Variants in SETDB1 observed in about 807,000 individuals in gnomAD.
SETDB1 encodes the protein histone-lysine N-methyltransferase SETDB1.
A neutral mutation model predicts 137.4 loss-of-function variants in SETDB1; 31 were observed. That is an observed-to-expected ratio of 0.23 (90% CI 0.17 to 0.30). The LOEUF (loss-of-function observed/expected upper bound fraction) is 0.30. Among genes scored for constraint, SETDB1 ranks in the 10% least tolerant of loss-of-function variants. SETDB1 has a pLI of 1.00. For missense variants in SETDB1, 1,113 were observed against 1,631.5 expected (o/e 0.68, Z 5.47); for synonymous variants, 548 against 579.9 (o/e 0.95, Z 0.79).
rs1275545606 is a variant in SETDB1 at position 150,950,798 on chromosome 1, A to G, written c.1924A>G (p.Ile642Val). ...CGLCLRTMQE[I>V]ERYLFETGCD... ...TCTCTGCCTTCGGACAATGCAGGAG[A>G]TAGAACGCTACCTTTTCGAGACTGG... Residue 642 changes from isoleucine (I) to valine (V), a missense_variant, in exon 13 of 22, where the codon ATA becomes GTA. Coordinates refer to ENST00000692827, the MANE Select transcript of SETDB1 (RefSeq NM_001366418.1). The G allele has an allele frequency of 1.2e-6, 2 of 1,614,216 alleles. No individual in the cohort carries two copies. Among genetic ancestry groups the G allele is most frequent in the South Asian group, 1.1e-5 (1 of 91,086 alleles).
intron 3 of SETDB1, among the ~76,000 whole-genome samples, chr1:150,934,877 A>G (rs1669900113): frequency 6.6e-6 from 1 of 150,726 alleles, no homozygotes; most frequent in South Asian, 2.1e-4. Context: ...GCTGGAGTGC[A>G]GTGGTGAGAT....
At chr1:150,941,221 AACTC>A (rs1222386918) in intron 4 of SETDB1, 104 bp from the exon 5 acceptor site, 1 of 643,074 alleles carries the variant, frequency 1.6e-6, no homozygotes, top group East Asian at 2.8e-5. Flanking sequence ...TTCCAAACAT[AACTC>A]ACTCCATTTT....
At chr1:150,961,971 G>A (rs1670838260) in intron 16 of SETDB1, 159 bp from the exon 17 acceptor site, 2 of 801,250 alleles carry the variant, frequency 2.5e-6, no homozygotes, top group Non-Finnish European at 4.4e-6. Flanking sequence ...GGAGTGTAGT[G>A]AGGATTTCTG....
chr1:150,943,710 G>A (rs1006845361), intron 7 of SETDB1, among the ~76,000 whole-genome samples: 5 of 152,166 alleles, frequency 3.3e-5, no homozygotes, highest in African/African-American at 1.2e-4. Context: ...TTTTTTAAAA[G>A]TAGGGAGGTA....
intron 10 of SETDB1, 47 bp from the exon 11 acceptor site, chr1:150,949,075 C>T (rs1287370167): frequency 3.9e-6 from 6 of 1,549,594 alleles, no homozygotes; most frequent in African/African-American, 2.7e-5. Flanking sequence ...TGAATACAAG[C>T]GTCATAGCTA....
In SETDB1 at chr1:150,944,998, C is replaced by T. The variant is rs1426634145; in HGVS notation, c.1030C>T (p.Pro344Ser). Residue 344 changes from proline to serine, a missense_variant, in exon 9 of 22, where the codon CCC (proline) becomes TCC (serine). Coordinates refer to ENST00000692827, the MANE Select transcript of SETDB1 (RefSeq NM_001366418.1). ...EEYVTAYPNR[P>S]MVLLKSGQLI... ...GTATGTCACTGCCTACCCCAACCGC[C>T]CCATGGTACTGCTCAAGAGTGGCCA... The T allele has an allele frequency of 6.2e-7, 1 of 1,613,998 alleles. No individual in the cohort carries two copies. The highest frequency in any genetic ancestry group is 8.5e-7 in the Non-Finnish European group (1 of 1,180,034).
At position 150,950,463 on chromosome 1, in the gene SETDB1, C is replaced by G. The variant is rs143224912; in HGVS notation, c.1589C>G (p.Pro530Arg). 2 of 1,593,284 alleles carry G rather than the reference C, an allele frequency of 1.3e-6. No individual in the cohort carries two copies. The highest frequency in any genetic ancestry group is 1.7e-6 in the Non-Finnish European group (2 of 1,170,310). The change falls in exon 13 of 22, where the codon CCT becomes CGT. Residue 530 changes from proline (P) to arginine (R), a missense_variant. Pro to Arg is a moderately radical substitution (Grantham distance 103, BLOSUM62 -2). Transcript: ENST00000692827. Reference protein sequence around the residue: ...KPGINQTYRSPLGSTASAPAP... With the variant: ...KPGINQTYRSRLGSTASAPAP... ...CACTTGCATCTCATTTGCAGATCAC[C>G]TTTAGGCTCCACAGCCTCTGCCCCA...
At chr1:150,952,109 C>T (rs1418930545) in intron 14 of SETDB1, among the ~76,000 whole-genome samples, 1 of 151,420 alleles carries the variant, frequency 6.6e-6, no homozygotes, top group East Asian at 1.9e-4. Context: ...GATCATGCCA[C>T]TGCACTTCAG....
At chr1:150,953,289 C>G (rs909135656) in intron 14 of SETDB1, among the ~76,000 whole-genome samples, 2 of 152,178 alleles carry the variant, frequency 1.3e-5, no homozygotes, top group Admixed American at 1.3e-4. Flanking sequence ...CTTTTCGAGG[C>G]TGAGGCAGGC....
In SETDB1 at chr1:150,950,810, C is replaced by T. The variant is rs587670276; in HGVS notation, c.1936C>T (p.Leu646Phe). The change falls in exon 13 of 22, where the codon CTT (leucine) becomes TTT (phenylalanine). Residue 646 changes from leucine (L) to phenylalanine (F), a missense_variant. Transcript: ENST00000692827. ...GACAATGCAGGAGATAGAACGCTAC[C>T]TTTTCGAGACTGGCTGTGACTTCCT... is the stretch of plus-strand genomic sequence containing the variant. Reference protein sequence around the residue: ...LRTMQEIERYLFETGCDFLFL... With the variant: ...LRTMQEIERYFFETGCDFLFL... 6.2e-7 allele frequency: 1 copy of T among 1,614,208 alleles called. No individual in the cohort carries two copies. Among genetic ancestry groups the T allele is most frequent in the East Asian group, 2.2e-5 (1 of 44,884 alleles).
At position 150,950,660 on chromosome 1, in the gene SETDB1, C is replaced by T. The variant is rs764526168; in HGVS notation, c.1786C>T (p.Arg596Trp). Residue 596 changes from arginine (R) to tryptophan (W), a missense_variant, in exon 13 of 22, where the codon CGG (arginine) becomes TGG (tryptophan). Physicochemically the swap from Arg to Trp is moderately radical, Grantham distance 101. Around this residue, in one of 11 missense-constraint regions of SETDB1, gnomAD observed 55 missense variants for 118.5 expected, o/e 0.46. Transcript: ENST00000692827. ...CAGACCTATGAGGAATGAGCAGTAC[C>T]GGGGCAAGAACCCTCTGCTGGTCCC... ...RVRPMRNEQY[R>W]GKNPLLVPLL... 9.3e-6 allele frequency: 15 copies of T among 1,613,990 alleles called. No homozygotes were observed. The highest frequency in any genetic ancestry group is 2.2e-5 in the South Asian group (2 of 91,086).
chr1:150,933,437 T>G (rs1571626160), intron 3 of SETDB1, among the ~76,000 whole-genome samples: 1 of 148,872 alleles, frequency 6.7e-6, no homozygotes, highest in East Asian at 2.0e-4. Context: ...ATGATCTCAC[T>G]GCAACTTCTG....
rs780519753 is a variant in SETDB1 at position 150,927,946 on chromosome 1, G to A, written c.232G>A (p.Val78Ile). 3.4e-5 allele frequency: 55 copies of A among 1,614,086 alleles called. No individual in the cohort carries two copies. Among genetic ancestry groups the A allele is most frequent in the Non-Finnish European group, 4.3e-5 (51 of 1,180,028 alleles). Reference sequence around the variant, plus strand: ...ACAGAAAGAATCTGAGGTGGCTCACGTTGACCAACTCTTTGATGATGCATC... The same window carrying A: ...ACAGAAAGAATCTGAGGTGGCTCACATTGACCAACTCTTTGATGATGCATC... ...VIQKESEVAH[V>I]DQLFDDASRA... The change falls in exon 2 of 22, where the codon GTT becomes ATT. Residue 78 changes from valine (V) to isoleucine (I), a missense_variant. Physicochemically the swap from Val to Ile is conservative, Grantham distance 29. This residue lies in a region of SETDB1 where 159 missense variants were observed against 188.6 expected (regional missense o/e 0.84). Transcript: ENST00000692827.
Position 150,950,983 on chromosome 1 carries a change from A to G in SETDB1, c.2109A>G (p.Pro703=), listed in dbSNP as rs760925324. Residue 703 remains proline (P), a synonymous_variant, in exon 13 of 22, where the codon CCA becomes CCG. Coordinates refer to ENST00000692827, the MANE Select transcript of SETDB1 (RefSeq NM_001366418.1). ...TCAATGAGATTGACACAACCCCTCC[A>G]CCCCAGGTGGCCTACAGCAAGGAAC... ...SCVNEIDTTP[P]PQVAYSKERI... 2 of 1,613,400 alleles carry G rather than the reference A, an allele frequency of 1.2e-6. No homozygotes were observed. The highest frequency in any genetic ancestry group is 1.7e-6 in the Non-Finnish European group (2 of 1,179,830).
Position 150,951,287 on chromosome 1 carries a change from C to T in SETDB1, c.2217-78C>T, listed in dbSNP as rs1046583582. On this transcript the variant is annotated intron_variant, in intron 13 of 21. Transcript: ENST00000692827. ...AGTCTGACATGGCCACACTGAGCAA[C>T]CTTGGGTACATGTGTATTGTGTTAT... 7.1e-5 allele frequency: 85 copies of T among 1,196,118 alleles called. No homozygotes were observed. In the African/African-American group the frequency reaches 1.0e-3, roughly 15 times the overall value. The allele number at this position is 1,196,118 out of a possible 1,614,324, so 74.1% of individuals were successfully genotyped here.
At chr1:150,961,816 A>T (rs1670832812) in intron 16 of SETDB1, 1 of 359,826 alleles carries the variant, frequency 2.8e-6, no homozygotes, top group African/African-American at 2.1e-5. Context: ...GAGAAACAAG[A>T]ATTGATTTTA....
intron 14 of SETDB1, among the ~76,000 whole-genome samples, chr1:150,952,098 A>G (rs893615572): frequency 6.6e-5 from 10 of 152,060 alleles, no homozygotes; most frequent in African/African-American, 2.4e-4. Context: ...CAGTGAGCCA[A>G]GATCATGCCA....
intron 14 of SETDB1, 36 bp downstream of exon 14, chr1:150,951,517 G>GGT: frequency 1.6e-5 from 17 of 1,043,978 alleles, no homozygotes; most frequent in Non-Finnish European, 2.1e-5. Flanking sequence ...ACCTCAGAGA[G>GGT]ACTGAGGAGC....
intron 14 of SETDB1, among the ~76,000 whole-genome samples, chr1:150,958,412 C>T (rs1387537259): frequency 1.3e-5 from 2 of 151,734 alleles, no homozygotes; most frequent in East Asian, 3.9e-4. Context: ...CCACCACACC[C>T]GGCTAATTTT....
Sources: allele counts gnomAD v4.1 joint callset (sites outside exome capture counted in the v4.1 genomes callset), GRCh38; gene constraint gnomAD v4.1.1; regional missense constraint gnomAD v4.1.1; transcripts MANE v1.5; gene names NCBI Gene and HGNC (gene_info 2026-07-23, HGNC 2026-07-21).